The following SNRK variants were observed in gnomAD, a reference collection of about 807,000 sequenced individuals.
The protein encoded by SNRK is SNF related kinase.
Under a neutral mutation model 48.2 loss-of-function variants are expected in SNRK, and 3 were observed. The ratio of observed to expected loss-of-function variants is 0.06; its 90% CI spans 0.03 to 0.16. The LOEUF is 0.16. Among genes scored for constraint, SNRK ranks in the 10% least tolerant of loss-of-function variants. SNRK has a pLI of 1.00. For missense variants in SNRK, 627 were observed against 976.0 expected, an observed-to-expected ratio of 0.64 and a Z score of 4.76; for synonymous variants, 376 against 366.1, an observed-to-expected ratio of 1.03 and a Z score of -0.31.
At chr3:43,314,861 A>G (rs1245313617) in intron 3 of SNRK, 6 of 152,062 alleles carry the variant, frequency 3.9e-5, no homozygotes, top group South Asian at 2.1e-4. Flanking sequence ...CCTAGGCAAC[A>G]TAGACTCCAT....
chr3:43,334,242 G>A (rs1312242083), intron 4 of SNRK, among the ~76,000 whole-genome samples: 1 of 152,110 alleles, frequency 6.6e-6, no homozygotes, highest in Admixed American at 6.5e-5. Flanking sequence ...TTTGTGCCCA[G>A]GAGTTCAAGA....
intron 6 of SNRK, among the ~76,000 whole-genome samples, chr3:43,346,234 A>T (rs1270647579): frequency 6.6e-6 from 1 of 152,230 alleles, no homozygotes; most frequent in African/African-American, 2.4e-5. Flanking sequence ...TTTTTTTTTA[A>T]TGACAGGTTT....
At chr3:43,332,058 G>A in intron 3 of SNRK, 111 bp from the exon 4 acceptor site, 1 of 772,888 alleles carries the variant, frequency 1.3e-6, no homozygotes, top group Non-Finnish European at 1.8e-6. Context: ...TTTGTACTTT[G>A]AGATATAAAT....
At chr3:43,313,648 T>C (rs762476800) in intron 3 of SNRK, among the ~76,000 whole-genome samples, 55 of 152,286 alleles carry the variant, frequency 3.6e-4, no homozygotes, top group Non-Finnish European at 6.6e-4. Context: ...GATAAAAATT[T>C]CATAGAAACT....
chr3:43,308,239 A>G (rs553146869), intron 3 of SNRK, among the ~76,000 whole-genome samples: 1 of 152,370 alleles, frequency 6.6e-6, no homozygotes, highest in South Asian at 2.1e-4. Flanking sequence ...AGCAAGTGCT[A>G]ATGGAGAAGC....
At chr3:43,319,345 T>C (rs1395399786) in intron 3 of SNRK, among the ~76,000 whole-genome samples, 1 of 152,184 alleles carries the variant, frequency 6.6e-6, no homozygotes, top group Non-Finnish European at 1.5e-5. Context: ...TCTCAGCCTT[T>C]GTAATACTGT....
At chr3:43,292,531 AGTAGGTATTCTTCAGAATCAGCT>A (rs1409346705) in intron 1 of SNRK, among the ~76,000 whole-genome samples, 18 of 152,242 alleles carry the variant, frequency 1.2e-4, no homozygotes, top group African/African-American at 2.4e-4. Flanking sequence ...ATGATGAGCC[AGTAGGTATTCTTCAGAATCAGCT>A]GTAGGTATTC....
intron 4 of SNRK, among the ~76,000 whole-genome samples, chr3:43,339,554 A>T (rs889915921): frequency 6.6e-6 from 1 of 151,950 alleles, no homozygotes; most frequent in Non-Finnish European, 1.5e-5. Context: ...GCGGTGGCTC[A>T]TGCCTGTAAT....
intron 1 of SNRK, among the ~76,000 whole-genome samples, chr3:43,293,960 G>T (rs950422810): frequency 1.6e-4 from 24 of 152,140 alleles, no homozygotes; most frequent in African/African-American, 5.5e-4. Context: ...GTGAAGTTTG[G>T]TATATACAAT....
intron 3 of SNRK, among the ~76,000 whole-genome samples, chr3:43,313,289 A>G (rs2090991853): frequency 1.3e-5 from 2 of 152,318 alleles, no homozygotes; most frequent in East Asian, 3.9e-4. Flanking sequence ...TTTATTTATA[A>G]TAGCCATAAA....
At chr3:43,314,010 CAG>C (rs2090997415) in intron 3 of SNRK, among the ~76,000 whole-genome samples, 1 of 152,148 alleles carries the variant, frequency 6.6e-6, no homozygotes, top group African/African-American at 2.4e-5. Flanking sequence ...GACAGAAACA[CAG>C]TATATTTTGC....
At chr3:43,336,351 A>G (rs1170701893) in intron 4 of SNRK, among the ~76,000 whole-genome samples, 3 of 149,576 alleles carry the variant, frequency 2.0e-5, no homozygotes, top group Non-Finnish European at 4.4e-5. Context: ...TTTCTTAGAC[A>G]GGGTCTTGCT....
chr3:43,340,279 C>A lies in SNRK; in HGVS notation c.732-8C>A. ...TTGCTTTAACAATGGACTTACCTTC[C>A]TTTCCAGCCTAATCACACGGATGCT... On this transcript the variant is annotated splice_region_variant and splice_polypyrimidine_tract_variant and intron_variant, in intron 4 of 6. Transcript: ENST00000296088. 6.2e-7 allele frequency: 1 copy of A among 1,612,614 alleles called. No individual in the cohort carries two copies.
chr3:43,334,955 T>C (rs568025526), intron 4 of SNRK, among the ~76,000 whole-genome samples: 1 of 144,108 alleles, frequency 6.9e-6, no homozygotes, highest in East Asian at 2.1e-4. Flanking sequence ...TCCTTTTTAA[T>C]TTCAATAGTG....
chr3:43,306,921 C>T (rs1355853296), intron 3 of SNRK, among the ~76,000 whole-genome samples: 2 of 152,252 alleles, frequency 1.3e-5, no homozygotes, highest in East Asian at 3.9e-4. Flanking sequence ...CAATTGATTT[C>T]TGCTTCGGAT....
At chr3:43,339,358 CT>C (rs1428074058) in intron 4 of SNRK, among the ~76,000 whole-genome samples, 1 of 152,152 alleles carries the variant, frequency 6.6e-6, no homozygotes, top group Non-Finnish European at 1.5e-5. Flanking sequence ...ACATTATATT[CT>C]GTTATATGCA....
At position 43,290,840 on chromosome 3, in the gene SNRK, C is replaced by G. The variant is rs564246570; in HGVS notation, c.-169+4165C>G. On this transcript the variant is annotated intron_variant, in intron 1 of 6. Coordinates refer to ENST00000296088, the MANE Select transcript of SNRK (RefSeq NM_017719.5). ...GAGTAGATGCTATACTTGGCAGACC[C>G]TGGGATAAAGAACTAAATAAAATGA... is the stretch of plus-strand genomic sequence containing the variant. Among the ~76,000 whole-genome samples the G allele has an allele frequency of 2.6e-5, 4 of 152,192 alleles. No individual in the cohort carries two copies. In the South Asian group the frequency reaches 6.2e-4, roughly 24 times the overall value.
intron 2 of SNRK, among the ~76,000 whole-genome samples, 152 bp from the exon 3 acceptor site, chr3:43,302,946 A>G (rs1413449866): frequency 6.6e-6 from 1 of 152,152 alleles, no homozygotes; most frequent in African/African-American, 2.4e-5. Flanking sequence ...AAATGTAAAA[A>G]TAGGTTTTAT....
At chr3:43,319,090 C>T (rs1009664523) in intron 3 of SNRK, among the ~76,000 whole-genome samples, 1 of 151,712 alleles carries the variant, frequency 6.6e-6, no homozygotes, top group Non-Finnish European at 1.5e-5. Context: ...CTTGATCACT[C>T]TCTTGTGCTC....
Sources: allele counts gnomAD v4.1 joint callset (sites outside exome capture counted in the v4.1 genomes callset), GRCh38; gene constraint gnomAD v4.1.1; transcripts MANE v1.5; gene names NCBI Gene and HGNC (gene_info 2026-07-23, HGNC 2026-07-21).